MBOAT7: variants seen among roughly 807,000 people sequenced by gnomAD.
MBOAT7 encodes membrane-bound acylglycerophosphatidylinositol O-acyltransferase MBOAT7.
MBOAT7 carries 40 observed loss-of-function variants against 47.4 expected under a neutral mutation model. The ratio of observed to expected loss-of-function variants is 0.84; its 90% CI spans 0.66 to 1.10. The LOEUF (loss-of-function observed/expected upper bound fraction) is 1.10. MBOAT7 is among the 50% of genes least tolerant of loss of function. MBOAT7 has a pLI of 0.00. For missense variants in MBOAT7, 680 were observed against 655.6 expected, an observed-to-expected ratio of 1.04 and a Z score of -0.41; for synonymous variants, 361 against 292.0, an observed-to-expected ratio of 1.24 and a Z score of -2.41.
At chr19:54,175,197 C>G (rs1184265215) in intron 7 of MBOAT7, among the ~76,000 whole-genome samples, 5 of 152,118 alleles carry the variant, frequency 3.3e-5, no homozygotes, top group Admixed American at 6.5e-5. Context: ...CCAGGATGGT[C>G]TCGATCTCCT....
rs1438772589 is a variant in MBOAT7, at chr19:54,183,692, G to C, written c.334-12C>G. The stretch of plus-strand genomic sequence containing the variant: ...GCCAGGCTCACCAGCTGGGCAGAAG[G>C]GGGTGGGCAAGGGGCCAGGTCAGAC... On this transcript the variant is annotated splice_polypyrimidine_tract_variant and intron_variant, in intron 4 of 7. Transcript: ENST00000245615. 5.9e-6 allele frequency: 9 copies of C among 1,536,740 alleles called. No homozygotes were observed. The Admixed American group carries it at 8.5e-5, about 14-fold the overall frequency.
At chr19:54,189,023 A>C (rs2076548127) in intron 1 of MBOAT7, among the ~76,000 whole-genome samples, 2 of 126,062 alleles carry the variant, frequency 1.6e-5, no homozygotes, top group Admixed American at 1.7e-4. Flanking sequence ...GAAACCAGAT[A>C]TCCGGACCCC....
At chr19:54,179,404 A>G (rs2146982043) in intron 6 of MBOAT7, 1 of 173,884 alleles carries the variant, frequency 5.8e-6, no homozygotes, top group Non-Finnish European at 1.2e-5. Flanking sequence ...TGGGGTCCCC[A>G]TGATCTTTGT....
Position 54,180,240 on chromosome 19 carries a change from TGC to T in MBOAT7, c.854+531_854+532del, listed in dbSNP as rs2076224728. On this transcript the variant is annotated intron_variant, in intron 6 of 7. Transcript: ENST00000245615. This position sits in a 1 kb window ranked among gnomAD's most constrained non-coding sequence, Gnocchi z 5.2. The stretch of plus-strand genomic sequence containing the variant: ...GAGGACATCCCACGGGGTGGAGCAG[TGC>T]TAGCTCCTAGCAACAAAGGGGCAGT... 1 of 153,398 alleles carries T rather than the reference TGC, an allele frequency of 6.5e-6. No individual in the cohort carries two copies. The highest frequency in any genetic ancestry group is 6.5e-5 in the Admixed American group (1 of 15,340). 9.5% of individuals were successfully genotyped at this position (153,398 alleles called of 1,614,324 possible).
chr19:54,183,781 G>C (rs1275723524), intron 4 of MBOAT7, 101 bp from the exon 5 acceptor site: 1 of 1,239,104 alleles, frequency 8.1e-7, no homozygotes. Flanking sequence ...GGGGTGCTGG[G>C]TGCCCGCAGC....
Position 54,181,993 on chromosome 19 carries a change from G to GGGAGGGAGGGAA in MBOAT7, c.494-872_494-861dup, listed in dbSNP as rs2076298925. 5.2e-4 allele frequency among the ~76,000 whole-genome samples: 3 copies of GGGAGGGAGGGAA among 5,768 alleles called. 1 individual carries two copies. The highest frequency in any genetic ancestry group is 1.0e-3 in the Non-Finnish European group (3 of 2,886). 3.8% of individuals were successfully genotyped at this position (5,768 alleles called of 152,430 possible). On this transcript the variant is annotated intron_variant, in intron 5 of 7. Coordinates refer to ENST00000245615, the MANE Select transcript of MBOAT7 (RefSeq NM_024298.5). ...AAGGAAGGAGGGAGGGAAGGAAGGA[G>GGGAGGGAGGGAA]GGAGGGAGGGAAGGAGGGAAGGAAG...
At chr19:54,178,681 A>G (rs1808870239) in intron 7 of MBOAT7, 84 bp downstream of exon 7, 1 of 1,539,112 alleles carries the variant, frequency 6.5e-7, no homozygotes, top group African/African-American at 1.4e-5. Context: ...GCAGGGGCCC[A>G]GCCAGGGACG....
intron 7 of MBOAT7, 97 bp downstream of exon 7, chr19:54,178,668 G>C: frequency 6.6e-7 from 1 of 1,513,026 alleles, no homozygotes; most frequent in South Asian, 1.3e-5. Flanking sequence ...TGAGCCTCCG[G>C]GGGCAGGGGC....
At chr19:54,187,606 G>C (rs1364303219) in intron 3 of MBOAT7, among the ~76,000 whole-genome samples, 1 of 152,208 alleles carries the variant, frequency 6.6e-6, no homozygotes, top group Non-Finnish European at 1.5e-5. Context: ...AGGTGGATAT[G>C]AATGAATATG....
chr19:54,182,337 A>C (rs997147342), intron 5 of MBOAT7, among the ~76,000 whole-genome samples: 3 of 152,140 alleles, frequency 2.0e-5, no homozygotes, highest in African/African-American at 7.2e-5. Flanking sequence ...ATCTTTACAG[A>C]TAGAAAGTCA....
chr19:54,188,084 A>G (rs2076503537), intron 3 of MBOAT7, 133 bp downstream of exon 3: 2 of 783,732 alleles, frequency 2.6e-6, no homozygotes, highest in Non-Finnish European at 4.0e-6. Flanking sequence ...ACAAACAAAC[A>G]TGAAACAGAG....
chr19:54,182,697 C>T (rs185623554), intron 5 of MBOAT7, among the ~76,000 whole-genome samples: 10 of 152,188 alleles, frequency 6.6e-5, no homozygotes, highest in Admixed American at 1.3e-4. Flanking sequence ...CACATGCACA[C>T]ACACATACAT....
chr19:54,180,644 G>A lies in MBOAT7; in HGVS notation c.854+129C>T. The A allele has an allele frequency of 1.2e-6, 1 of 867,558 alleles. No homozygotes were observed. Among genetic ancestry groups the A allele is most frequent in the Non-Finnish European group, 1.7e-6 (1 of 586,770 alleles). The allele number at this position is 867,558 out of a possible 1,614,324, so 53.7% of individuals were successfully genotyped here. A position where few individuals can be genotyped will look rare whatever the true frequency, so the allele number is the denominator to read the frequency against. ...CTGGCAGGCCATGGTTGCCGAGGGG[G>A]CGACACTCTGCTCAAAAAGGTGGTG... On this transcript the variant is annotated intron_variant, in intron 6 of 7. Coordinates refer to ENST00000245615, the MANE Select transcript of MBOAT7 (RefSeq NM_024298.5). This position sits in a 1 kb window ranked among gnomAD's most constrained non-coding sequence, Gnocchi z 5.2.
chr19:54,174,087 G>A lies in MBOAT7; in HGVS notation c.1376C>T (p.Ser459Phe). 1 of 1,606,872 alleles carries A rather than the reference G, an allele frequency of 6.2e-7. No individual in the cohort carries two copies. Among genetic ancestry groups the A allele is most frequent in the Non-Finnish European group, 8.5e-7 (1 of 1,177,470 alleles). The change falls in exon 8 of 8, where the codon TCC (serine) becomes TTC (phenylalanine). Residue 459 changes from serine to phenylalanine, a missense_variant. Ser to Phe is a radical substitution (Grantham distance 155). Coordinates refer to ENST00000245615, the MANE Select transcript of MBOAT7 (RefSeq NM_024298.5). ...GGSPSRRKAA[S>F]QPTSLAPEKL... ...CTCCGGGGCAAGGCTGGTGGGCTGG[G>A]ATGCTGCCTTCCGCCGGCTGGGGCT...
At chr19:54,178,992 C>G in intron 6 of MBOAT7, 51 bp from the exon 7 acceptor site, 2 of 1,592,280 alleles carry the variant, frequency 1.3e-6, no homozygotes, top group Non-Finnish European at 1.7e-6. Flanking sequence ...TCAGCCAGGC[C>G]CCCTCCCGAC....
intron 7 of MBOAT7, among the ~76,000 whole-genome samples, chr19:54,177,839 C>A (rs915203202): frequency 1.1e-4 from 16 of 151,436 alleles, no homozygotes; most frequent in Non-Finnish European, 2.1e-4. Flanking sequence ...CCTGCCTGGG[C>A]CTCCCAAACT....
At chr19:54,176,930 A>T (rs1001460667) in intron 7 of MBOAT7, among the ~76,000 whole-genome samples, 2 of 151,932 alleles carry the variant, frequency 1.3e-5, no homozygotes, top group South Asian at 2.1e-4. Context: ...AATAATACTT[A>T]AAAAATTTTG....
intron 5 of MBOAT7, among the ~76,000 whole-genome samples, chr19:54,182,866 A>C (rs1259972458): frequency 1.3e-5 from 2 of 151,652 alleles, no homozygotes; most frequent in Admixed American, 1.3e-4. Flanking sequence ...ATGCCCGGCT[A>C]ATTTTTGTAT....
chr19:54,178,764 C>T lies in MBOAT7; in HGVS notation c.1031+1G>A. On this transcript the variant is annotated splice_donor_variant, in intron 7 of 7. Transcript: ENST00000245615. LOFTEE classifies it high-confidence loss of function. ...ACCTGAGACTGGGCGGGCTCACTCA[C>T]CGCAGGACATAGGAACGGGCAGGTG... 2 of 1,613,266 alleles carry T rather than the reference C, an allele frequency of 1.2e-6. No individual in the cohort carries two copies. The highest frequency in any genetic ancestry group is 1.7e-6 in the Non-Finnish European group (2 of 1,179,904).
Sources: gnomAD v4.1 joint callset for allele counts (sites outside exome capture counted in the v4.1 genomes callset) on GRCh38, gnomAD v4.1.1 for gene constraint, Gnocchi (gnomAD v3.1) non-coding constraint, MANE v1.5 for transcripts, NCBI Gene and HGNC (gene_info 2026-07-23, HGNC 2026-07-21) for gene names.